The following LHFPL3 variants were observed in gnomAD, a reference collection of about 807,000 sequenced individuals.
The protein encoded by LHFPL3 is LHFPL tetraspan subfamily member 3 protein.
In LHFPL3, 5 loss-of-function variants were observed where a neutral mutation model predicts 19.3. That is an observed-to-expected ratio of 0.26 (90% confidence interval 0.14 to 0.54). The LOEUF (loss-of-function observed/expected upper bound fraction) is 0.54. LHFPL3 is among the 20% of genes least tolerant of loss of function. The pLI, the probability that LHFPL3 is intolerant of heterozygous loss-of-function variation, is 0.94. For synonymous variants in LHFPL3, 133 were observed against 126.2 expected (o/e 1.05, Z -0.36); for missense variants, 249 against 307.4 (o/e 0.81, Z 1.42).
chr7:104,417,888 T>C (rs917968403), intron 1 of LHFPL3, among the ~76,000 whole-genome samples: 3 of 149,148 alleles, frequency 2.0e-5, no homozygotes, highest in African/African-American at 2.5e-5. Context: ...CTTCTTCTTT[T>C]TTTTTTTTTT....
At chr7:104,731,236 A>T (rs1007465766) in intron 1 of LHFPL3, among the ~76,000 whole-genome samples, 3 of 150,028 alleles carry the variant, frequency 2.0e-5, no homozygotes, top group African/African-American at 2.4e-5. Flanking sequence ...GGGCTCTTAA[A>T]GTAGTTTTTT....
At chr7:104,521,989 G>T (rs934819847) in intron 1 of LHFPL3, among the ~76,000 whole-genome samples, 1 of 152,004 alleles carries the variant, frequency 6.6e-6, no homozygotes, top group East Asian at 1.9e-4. Context: ...CGATTCCTCA[G>T]GGATCTAGAA....
intron 1 of LHFPL3, among the ~76,000 whole-genome samples, chr7:104,569,182 T>C (rs1348353724): frequency 6.6e-6 from 1 of 152,210 alleles, no homozygotes; most frequent in Non-Finnish European, 1.5e-5. Context: ...TTTATCTTCT[T>C]CCCTTTGGCC....
intron 1 of LHFPL3, among the ~76,000 whole-genome samples, chr7:104,685,691 C>T (rs1396040120): frequency 6.6e-6 from 1 of 152,218 alleles, no homozygotes; most frequent in Non-Finnish European, 1.5e-5. Context: ...ATCAGAGCTG[C>T]AGGAATCTCT....
At chr7:104,690,108 C>G (rs1792880852) in intron 1 of LHFPL3, among the ~76,000 whole-genome samples, 2 of 152,262 alleles carry the variant, frequency 1.3e-5, no homozygotes, top group Non-Finnish European at 2.9e-5. Flanking sequence ...TGGTGATTCC[C>G]AACACATCCC....
chr7:104,393,701 G>GT (rs1378576401), intron 1 of LHFPL3, among the ~76,000 whole-genome samples: 2 of 152,084 alleles, frequency 1.3e-5, no homozygotes, highest in African/African-American at 4.8e-5. Context: ...GGGTAACACA[G>GT]TGAGACTCTG....
At chr7:104,716,100 G>A (rs1474263795) in intron 1 of LHFPL3, among the ~76,000 whole-genome samples, 1 of 152,098 alleles carries the variant, frequency 6.6e-6, no homozygotes, top group Non-Finnish European at 1.5e-5. Context: ...TGTAATCCCA[G>A]CACTTTGGGA....
intron 1 of LHFPL3, 37 bp downstream of exon 1, chr7:104,329,261 C>A (rs762354980): frequency 6.4e-7 from 1 of 1,553,630 alleles, no homozygotes; most frequent in Non-Finnish European, 8.7e-7. Context: ...GCGGAGGACC[C>A]CGGGGCGCCC....
intron 1 of LHFPL3, among the ~76,000 whole-genome samples, chr7:104,357,027 AAATTACTC>A (rs1310776576): frequency 3.0e-4 from 16 of 54,214 alleles, no homozygotes; most frequent in Admixed American, 1.7e-3. Flanking sequence ...TGGGGTCCCC[AAATTACTC>A]AAACTATTGA....
intron 1 of LHFPL3, among the ~76,000 whole-genome samples, chr7:104,479,541 A>T (rs1419138801): frequency 6.6e-6 from 1 of 151,946 alleles, no homozygotes; most frequent in Non-Finnish European, 1.5e-5. Flanking sequence ...ACAGGTGCCC[A>T]CCACCATGCC....
intron 1 of LHFPL3, among the ~76,000 whole-genome samples, chr7:104,413,232 C>A (rs1791565596): frequency 6.6e-6 from 1 of 152,142 alleles, no homozygotes; most frequent in Non-Finnish European, 1.5e-5. Context: ...CTGCTTCTTT[C>A]CTGAAATGAA....
chr7:104,505,557 A>G (rs1027245014), intron 1 of LHFPL3, among the ~76,000 whole-genome samples: 1 of 152,230 alleles, frequency 6.6e-6, no homozygotes, highest in Non-Finnish European at 1.5e-5. Flanking sequence ...TTGTCTGAGC[A>G]TGGATGACTG....
At position 104,807,423 on chromosome 7, in the gene LHFPL3, AT is replaced by A. The variant is rs1790383982; in HGVS notation, c.682+70515del. The stretch of plus-strand genomic sequence containing the variant: ...AGTCTGCAGAACTGTTAGACGATAA[AT>A]TTCAGTTGTTTAAGCCACACCGTTT... On this transcript the variant is annotated intron_variant, in intron 2 of 2. Coordinates refer to ENST00000424859, the MANE Select transcript of LHFPL3 (RefSeq NM_199000.3). Among the ~76,000 whole-genome samples, 8 of 152,124 alleles carry A rather than the reference AT, an allele frequency of 5.3e-5. No individual in the cohort carries two copies. The South Asian group carries it at 1.7e-3, about 32-fold the overall frequency.
At chr7:104,413,416 T>C (rs1173408911) in intron 1 of LHFPL3, among the ~76,000 whole-genome samples, 1 of 152,220 alleles carries the variant, frequency 6.6e-6, no homozygotes, top group Non-Finnish European at 1.5e-5. Flanking sequence ...CCAAGACTTA[T>C]AAAGCATTTA....
chr7:104,586,018 G>A (rs934639995), intron 1 of LHFPL3, among the ~76,000 whole-genome samples: 1 of 152,142 alleles, frequency 6.6e-6, no homozygotes, highest in South Asian at 2.1e-4. Flanking sequence ...AACTTTCATG[G>A]TAATAATTAC....
intron 2 of LHFPL3, among the ~76,000 whole-genome samples, chr7:104,825,594 AAAT>A (rs1392313265): frequency 2.6e-5 from 4 of 151,972 alleles, no homozygotes; most frequent in Admixed American, 2.6e-4. Context: ...AAAAAAATTC[AAAT>A]AATAGTGTCT....
chr7:104,422,777 A>G (rs1016637158), intron 1 of LHFPL3, among the ~76,000 whole-genome samples: 1 of 152,248 alleles, frequency 6.6e-6, no homozygotes, highest in African/African-American at 2.4e-5. Flanking sequence ...AAACTAGTAC[A>G]CATTTGTTAA....
chr7:104,382,144 C>T (rs1398284313), intron 1 of LHFPL3, among the ~76,000 whole-genome samples: 1 of 152,104 alleles, frequency 6.6e-6, no homozygotes, highest in Non-Finnish European at 1.5e-5. Flanking sequence ...TTTTGAATGT[C>T]TAAGGTAGTG....
At chr7:104,337,883 C>G (rs1789859721) in intron 1 of LHFPL3, among the ~76,000 whole-genome samples, 1 of 152,036 alleles carries the variant, frequency 6.6e-6, no homozygotes, top group Non-Finnish European at 1.5e-5. Flanking sequence ...CTGGACAAAA[C>G]ATAGTATTGA....
Sources: gnomAD v4.1 joint callset for allele counts (sites outside exome capture counted in the v4.1 genomes callset) on GRCh38, gnomAD v4.1.1 for gene constraint, MANE v1.5 for transcripts, NCBI Gene and HGNC (gene_info 2026-07-23, HGNC 2026-07-21) for gene names.